Variants in MPP7 observed in about 807,000 individuals in gnomAD.
MPP7 encodes MAGUK p55 scaffold protein 7.
In MPP7, 60 loss-of-function variants were observed where a neutral mutation model predicts 76.5. That is an observed-to-expected ratio of 0.78 (90% confidence interval 0.64 to 0.97). MPP7 has a LOEUF of 0.97. Ranked by LOEUF, MPP7 falls within the 50% of genes least tolerant of loss-of-function variation. MPP7 has a pLI of 0.00. For missense variants in MPP7, 641 were observed against 694.0 expected, an observed-to-expected ratio of 0.92 and a Z score of 0.86; for synonymous variants, 237 against 244.5, an observed-to-expected ratio of 0.97 and a Z score of 0.29.
At chr10:28,157,887 T>G (rs1198338742) in intron 3 of MPP7, among the ~76,000 whole-genome samples, 2 of 152,224 alleles carry the variant, frequency 1.3e-5, no homozygotes, top group Non-Finnish European at 2.9e-5. Flanking sequence ...CTATTCTTTT[T>G]GTTCACTATC....
At chr10:28,199,261 T>A (rs1335116861) in intron 3 of MPP7, among the ~76,000 whole-genome samples, 2 of 152,170 alleles carry the variant, frequency 1.3e-5, no homozygotes, top group Admixed American at 1.3e-4. Flanking sequence ...GAGATTTGGA[T>A]GGGGACACAG....
At position 28,302,996 on chromosome 10, in the gene MPP7, G is replaced by C. The variant is rs1008515952; in HGVS notation, c.-267C>G. Among the ~76,000 whole-genome samples the C allele has an allele frequency of 1.3e-5, 2 of 150,352 alleles. No homozygotes were observed. The highest frequency in any genetic ancestry group is 3.0e-5 in the Non-Finnish European group (2 of 67,064). ...GGGAGCCAGCGGGCTCGGCACCGCC[G>C]CGGCGGGCGCAGAACGCACGAGCCC... On this transcript the variant is annotated 5_prime_UTR_variant, in exon 1 of 17. Transcript: ENST00000683449.
rs368762625 is a variant in MPP7 at position 28,092,778 on chromosome 10, C to T, written c.953-2937G>A. 5.1e-3 allele frequency among the ~76,000 whole-genome samples: 675 copies of T among 132,024 alleles called. 2 individuals are homozygous for T. The highest frequency in any genetic ancestry group is 0.018 in the African/African-American group (626 of 33,992). 86.6% of individuals were successfully genotyped at this position (132,024 alleles called of 152,430 possible). On this transcript the variant is annotated intron_variant, in intron 11 of 16. Coordinates refer to ENST00000683449, the MANE Select transcript of MPP7 (RefSeq NM_001318170.2). ...TTTTTTTTGAAGAGATAAGGTTTCG[C>T]CATGTTGCCCAGGTTGGTCTTGAAG...
At chr10:28,087,527 C>T (rs1166739804) in intron 12 of MPP7, among the ~76,000 whole-genome samples, 1 of 152,064 alleles carries the variant, frequency 6.6e-6, no homozygotes, top group African/African-American at 2.4e-5. Context: ...TCCCAAGAAG[C>T]TGGGACTACA....
intron 3 of MPP7, among the ~76,000 whole-genome samples, chr10:28,177,232 T>C (rs928301196): frequency 1.8e-5 from 2 of 112,480 alleles, no homozygotes; most frequent in Admixed American, 1.2e-4. Flanking sequence ...CTGGCCAACA[T>C]AGTGAAACCC....
chr10:28,118,440 C>A (rs1470312821), intron 11 of MPP7: 3 of 984,686 alleles, frequency 3.0e-6, no homozygotes, highest in South Asian at 4.7e-5. Flanking sequence ...TTAAGTGACA[C>A]ATTATCTTAT....
intron 2 of MPP7, among the ~76,000 whole-genome samples, chr10:28,316,458 A>AAAC (rs1834321537): frequency 2.7e-5 from 4 of 147,152 alleles, no homozygotes; most frequent in African/African-American, 1.0e-4. Context: ...AAAAAAAAAA[A>AAAC]AAAAAAAAAA....
At chr10:28,232,859 G>A (rs989687421) in intron 2 of MPP7, among the ~76,000 whole-genome samples, 1 of 152,106 alleles carries the variant, frequency 6.6e-6, no homozygotes, top group African/African-American at 2.4e-5. Context: ...ACATGGATAT[G>A]ACCAGGTCAC....
chr10:28,155,581 G>A (rs999097085), intron 3 of MPP7, among the ~76,000 whole-genome samples: 1 of 126,756 alleles, frequency 7.9e-6, no homozygotes, highest in Non-Finnish European at 1.5e-5. Context: ...CTGGGCAACA[G>A]AGCCAGACCC....
chr10:28,300,753 A>T (rs1841134911), intron 1 of MPP7, among the ~76,000 whole-genome samples: 1 of 151,922 alleles, frequency 6.6e-6, no homozygotes, highest in Admixed American at 6.6e-5. Flanking sequence ...GGAGTTCGAG[A>T]CCAGCCTGGC....
At chr10:28,131,815 A>C (rs1835203348) in intron 5 of MPP7, 124 bp from the exon 6 acceptor site, 1 of 349,842 alleles carries the variant, frequency 2.9e-6, no homozygotes, top group African/African-American at 2.2e-5. Flanking sequence ...CGGTTTTGAC[A>C]TAGTAGTGGT....
rs150289033 is a variant in MPP7 at position 28,072,037 on chromosome 10, G to A, written c.1124-2185C>T. Among the ~76,000 whole-genome samples the A allele has an allele frequency of 5.6e-3, 854 of 152,284 alleles. 1 individual carries two copies. Among genetic ancestry groups the A allele is most frequent in the Middle Eastern group, 0.014 (4 of 294 alleles). ...ACATATAATCCCAACACTTTGGGAG[G>A]CCGAGGTAGGTAGATCACTTGAGGT... On this transcript the variant is annotated intron_variant, in intron 12 of 16. Coordinates refer to ENST00000683449, the MANE Select transcript of MPP7 (RefSeq NM_001318170.2).
intron 1 of MPP7, among the ~76,000 whole-genome samples, chr10:28,268,370 G>A (rs1337537077): frequency 6.6e-6 from 1 of 152,224 alleles, no homozygotes; most frequent in Non-Finnish European, 1.5e-5. Flanking sequence ...TTACATCATA[G>A]AGTACGTTGT....
At chr10:28,222,679 C>T (rs1300689320) in intron 2 of MPP7, among the ~76,000 whole-genome samples, 2 of 151,666 alleles carry the variant, frequency 1.3e-5, no homozygotes, top group African/African-American at 2.4e-5. Flanking sequence ...GGTGAAACCC[C>T]GTCTCCACTA....
chr10:28,139,661 A>G (rs1233599237), intron 5 of MPP7, among the ~76,000 whole-genome samples: 1 of 152,226 alleles, frequency 6.6e-6, no homozygotes, highest in Non-Finnish European at 1.5e-5. Flanking sequence ...CAATGATTAA[A>G]GAGATAATAC....
chr10:28,084,457 G>A (rs1273689146), intron 12 of MPP7, among the ~76,000 whole-genome samples: 1 of 152,184 alleles, frequency 6.6e-6, no homozygotes, highest in Non-Finnish European at 1.5e-5. Flanking sequence ...TCATCTGGGA[G>A]CTTGTTAGAA....
At chr10:28,072,626 T>A (rs564057201) in intron 12 of MPP7, among the ~76,000 whole-genome samples, 1 of 152,350 alleles carries the variant, frequency 6.6e-6, no homozygotes, top group Non-Finnish European at 1.5e-5. Flanking sequence ...TTGGGTGACA[T>A]CAATATCCAT....
chr10:28,195,976 A>G (rs1382713803), intron 3 of MPP7, among the ~76,000 whole-genome samples: 1 of 152,204 alleles, frequency 6.6e-6, no homozygotes, highest in Admixed American at 6.5e-5. Flanking sequence ...TCCCAAAAGA[A>G]TGTTACCTTC....
intron 1 of MPP7, among the ~76,000 whole-genome samples, chr10:28,241,292 T>C (rs767951533): frequency 1.3e-5 from 2 of 152,210 alleles, no homozygotes; most frequent in Non-Finnish European, 2.9e-5. Flanking sequence ...TTGTTTTTTA[T>C]TTCATAATGA....
Sources: allele counts gnomAD v4.1 joint callset (sites outside exome capture counted in the v4.1 genomes callset), GRCh38; gene constraint gnomAD v4.1.1; transcripts MANE v1.5; gene names NCBI Gene and HGNC (gene_info 2026-07-23, HGNC 2026-07-21).